The following ADARB2 variants were observed in gnomAD, a reference collection of about 807,000 sequenced individuals.
ADARB2 encodes inactive double-stranded RNA-specific editase B2.
In ADARB2, 25 loss-of-function variants were observed where a neutral mutation model predicts 62.2. The observed-to-expected ratio is 0.40, with a 90% confidence interval of 0.29 to 0.56. The LOEUF is 0.56. Ranked by LOEUF, ADARB2 falls within the 20% of genes least tolerant of loss-of-function variation. The pLI is 0.43. For synonymous variants in ADARB2, 572 were observed against 500.8 expected (o/e 1.14, Z -1.90); for missense variants, 1,071 against 1,077.4 (o/e 0.99, Z 0.08).
intron 1 of ADARB2, among the ~76,000 whole-genome samples, chr10:1,394,067 C>CA (rs1169378648): frequency 6.6e-6 from 1 of 152,206 alleles, no homozygotes; most frequent in African/African-American, 2.4e-5. Context: ...TTGCTCCACT[C>CA]ACTCGTCCCA....
rs1239745123 is a variant in ADARB2 at position 1,217,089 on chromosome 10, A to G, written c.1544T>C (p.Phe515Ser). Reference sequence around the variant, plus strand: ...GATCTTGGTGCGCAGGTGCCCGCGGAACTTCCTGACGAGGTGTTTGCTGCT... The same window carrying G: ...GATCTTGGTGCGCAGGTGCCCGCGGGACTTCCTGACGAGGTGTTTGCTGCT... The part of the protein sequence containing the change: ...LHSSKHLVRK[F>S]RGHLRTKIES... Residue 515 changes from phenylalanine to serine, a missense_variant, in exon 7 of 10, where the codon TTC (phenylalanine) becomes TCC (serine). Phe to Ser is a radical substitution (Grantham distance 155, BLOSUM62 -2). Coordinates refer to ENST00000381312, the MANE Select transcript of ADARB2 (RefSeq NM_018702.4). The G allele has an allele frequency of 1.2e-6, 2 of 1,605,870 alleles. No individual in the cohort carries two copies. Among genetic ancestry groups the G allele is most frequent in the Non-Finnish European group, 1.7e-6 (2 of 1,176,560 alleles).
chr10:1,278,685 G>A (rs771061570), intron 3 of ADARB2, among the ~76,000 whole-genome samples: 10 of 151,488 alleles, frequency 6.6e-5, no homozygotes, highest in Non-Finnish European at 1.3e-4. Context: ...TCCTAGGCCC[G>A]AAAGGTTTCC....
In ADARB2 at chr10:1,331,453, C is replaced by T. The variant is rs74972271; in HGVS notation, c.1077+31575G>A. Among the ~76,000 whole-genome samples the T allele has an allele frequency of 6.9e-3, 1,052 of 152,246 alleles. 16 individuals carry two copies. The highest frequency in any genetic ancestry group is 0.023 in the African/African-American group (961 of 41,544). Reference sequence around the variant, plus strand: ...AAAAGAAATGAAGTTCTGACGTATGCCACACCCTAAAGACACCAAACTTAG... The same window carrying T: ...AAAAGAAATGAAGTTCTGACGTATGTCACACCCTAAAGACACCAAACTTAG... On this transcript the variant is annotated intron_variant, in intron 3 of 9. Coordinates refer to ENST00000381312, the MANE Select transcript of ADARB2 (RefSeq NM_018702.4).
At chr10:1,284,609 AGAG>A (rs1831397085) in intron 3 of ADARB2, among the ~76,000 whole-genome samples, 1 of 152,196 alleles carries the variant, frequency 6.6e-6, no homozygotes, top group African/African-American at 2.4e-5. Flanking sequence ...CTGTAGCAAA[AGAG>A]TTTTAGGGAG....
chr10:1,451,883 G>C (rs1831044694), intron 1 of ADARB2, among the ~76,000 whole-genome samples: 1 of 152,238 alleles, frequency 6.6e-6, no homozygotes, highest in South Asian at 2.1e-4. Flanking sequence ...TCGCCCACAT[G>C]TGAGACAGAT....
At position 1,574,902 on chromosome 10, in the gene ADARB2, AG is replaced by A. The variant is rs1427985093; in HGVS notation, c.100+162148del. 7.2e-5 allele frequency among the ~76,000 whole-genome samples: 11 copies of A among 152,128 alleles called. 1 individual carries two copies. The highest frequency in any genetic ancestry group is 1.6e-4 in the Non-Finnish European group (11 of 68,010). ...CAGAGTGGAGAGGAAAGAGGATTTG[AG>A]GGGTGATCTCAGGATGTTGAGTGGC... On this transcript the variant is annotated intron_variant, in intron 1 of 9. Transcript: ENST00000381312.
intron 1 of ADARB2, among the ~76,000 whole-genome samples, chr10:1,532,285 C>G (rs1011588205): frequency 1.3e-5 from 2 of 152,230 alleles, no homozygotes; most frequent in African/African-American, 4.8e-5. Flanking sequence ...AATTCCCACA[C>G]TGATTTTCTT....
intron 6 of ADARB2, among the ~76,000 whole-genome samples, chr10:1,227,972 A>G (rs1830763630): frequency 6.6e-6 from 1 of 152,220 alleles, no homozygotes; most frequent in Non-Finnish European, 1.5e-5. Flanking sequence ...TTATAAGGCC[A>G]TTAAAATTCA....
chr10:1,687,029 C>CTTTTTT (rs397952487), intron 1 of ADARB2, among the ~76,000 whole-genome samples: 4 of 129,002 alleles, frequency 3.1e-5, no homozygotes, highest in Non-Finnish European at 3.2e-5. Flanking sequence ...ATGACATTGC[C>CTTTTTT]TTTTTTTTTT....
At chr10:1,546,311 A>T (rs1832518804) in intron 1 of ADARB2, among the ~76,000 whole-genome samples, 1 of 152,188 alleles carries the variant, frequency 6.6e-6, no homozygotes, top group Admixed American at 6.5e-5. Flanking sequence ...GAGCAGCAGG[A>T]TGTAGGTCAA....
At chr10:1,509,067 G>A (rs937251010) in intron 1 of ADARB2, among the ~76,000 whole-genome samples, 16 of 152,070 alleles carry the variant, frequency 1.1e-4, no homozygotes, top group African/African-American at 3.6e-4. Flanking sequence ...GGGAGGAGCC[G>A]GTCCATCTAT....
At chr10:1,562,056 C>A (rs900328178) in intron 1 of ADARB2, among the ~76,000 whole-genome samples, 1 of 152,212 alleles carries the variant, frequency 6.6e-6, no homozygotes, top group Non-Finnish European at 1.5e-5. Flanking sequence ...AGCCGGAACC[C>A]GTCTCCCTCT....
intron 1 of ADARB2, among the ~76,000 whole-genome samples, chr10:1,476,773 G>T (rs950069084): frequency 3.3e-5 from 5 of 152,178 alleles, no homozygotes; most frequent in African/African-American, 9.7e-5. Context: ...GCGTCCCCGT[G>T]CATCCAAGTC....
At chr10:1,241,795 G>A (rs1290362523) in intron 5 of ADARB2, among the ~76,000 whole-genome samples, 1 of 152,224 alleles carries the variant, frequency 6.6e-6, no homozygotes, top group Non-Finnish European at 1.5e-5. Flanking sequence ...GGGCAACGGC[G>A]GAAAAGGGGG....
chr10:1,375,809 A>C (rs7394325), intron 2 of ADARB2, among the ~76,000 whole-genome samples: 2 of 38,994 alleles, frequency 5.1e-5, no homozygotes, highest in Non-Finnish European at 2.5e-4. Context: ...CACACACACC[A>C]CACACATGCA....
chr10:1,576,076 C>CTCGG (rs1833012930), intron 1 of ADARB2, among the ~76,000 whole-genome samples: 1 of 51,452 alleles, frequency 1.9e-5, no homozygotes, highest in Non-Finnish European at 3.8e-5. Context: ...CCCAGGGTCA[C>CTCGG]AGGAGGGGGC....
intron 7 of ADARB2, among the ~76,000 whole-genome samples, chr10:1,203,940 G>A (rs1054925334): frequency 6.6e-6 from 1 of 152,198 alleles, no homozygotes; most frequent in East Asian, 1.9e-4. Context: ...GTGAGGCCCG[G>A]CAGTGCAAGT....
intron 1 of ADARB2, among the ~76,000 whole-genome samples, chr10:1,568,839 T>TATC (rs749611776): frequency 1.3e-5 from 2 of 151,742 alleles, no homozygotes; most frequent in Admixed American, 6.6e-5. Context: ...TCTATCTATC[T>TATC]ATCTATGAGC....
At chr10:1,410,496 C>A (rs1469720962) in intron 1 of ADARB2, among the ~76,000 whole-genome samples, 4 of 152,202 alleles carry the variant, frequency 2.6e-5, no homozygotes, top group Non-Finnish European at 5.9e-5. Context: ...GATGTATTCC[C>A]TTCTCCAGGC....
Sources: gnomAD v4.1 joint callset for allele counts (sites outside exome capture counted in the v4.1 genomes callset) on GRCh38, gnomAD v4.1.1 for gene constraint, MANE v1.5 for transcripts, NCBI Gene and HGNC (gene_info 2026-07-23, HGNC 2026-07-21) for gene names.